The following GPHN variants were observed in gnomAD, a reference collection of about 807,000 sequenced individuals.
GPHN encodes gephyrin.
Under a neutral mutation model 95.5 loss-of-function variants are expected in GPHN, and 17 were observed. The ratio of observed to expected loss-of-function variants is 0.18; its 90% CI spans 0.12 to 0.27. GPHN has a LOEUF of 0.27. GPHN is among the 10% of genes least tolerant of loss of function. The pLI, the probability that GPHN is intolerant of heterozygous loss-of-function variation, is 1.00. For missense variants in GPHN, 660 were observed against 978.1 expected, an observed-to-expected ratio of 0.67 and a Z score of 4.34; for synonymous variants, 320 against 322.5, an observed-to-expected ratio of 0.99 and a Z score of 0.08.
At chr14:66,939,920 C>T (rs556977954) in intron 8 of GPHN, among the ~76,000 whole-genome samples, 1 of 152,154 alleles carries the variant, frequency 6.6e-6, no homozygotes, top group African/African-American at 2.4e-5. Flanking sequence ...AAGAGAGAAA[C>T]CAGGTTATTA....
At chr14:67,558,305 T>C in the GPHN span, among the ~76,000 whole-genome samples, 1 of 152,208 alleles carries the variant, frequency 6.6e-6, no homozygotes, top group African/African-American at 2.4e-5. Context: ...CTTCTCCATG[T>C]AGGAGAAGCC....
At position 66,652,751 on chromosome 14, in the gene GPHN, G is replaced by A. The variant is rs144854427; in HGVS notation, c.65-28356G>A. Among the ~76,000 whole-genome samples, 493 of 152,152 alleles carry A rather than the reference G, an allele frequency of 3.2e-3. 1 individual carries two copies. The highest frequency in any genetic ancestry group is 6.4e-3 in the South Asian group (31 of 4,816). On this transcript the variant is annotated intron_variant, in intron 1 of 22. Coordinates refer to ENST00000478722, the MANE Select transcript of GPHN (RefSeq NM_020806.5). ...GTGGTCATGCAGGGGCCTTGTGAGCGGTTGGCAGAGAGAGAAGCATACAGA... is the reference window on the plus strand; with the variant it reads ...GTGGTCATGCAGGGGCCTTGTGAGCAGTTGGCAGAGAGAGAAGCATACAGA...
intron 1 of GPHN, among the ~76,000 whole-genome samples, chr14:66,601,700 T>C (rs1056295584): frequency 1.3e-5 from 2 of 151,802 alleles, no homozygotes; most frequent in Non-Finnish European, 2.9e-5. Context: ...AGATTGACAT[T>C]TGTGCAATAG....
chr14:66,753,037 G>T (rs899560185), intron 2 of GPHN, among the ~76,000 whole-genome samples: 1 of 151,774 alleles, frequency 6.6e-6, no homozygotes, highest in Non-Finnish European at 1.5e-5. Context: ...ATATACAAAC[G>T]TGTTTAAATA....
the GPHN span, among the ~76,000 whole-genome samples, chr14:67,482,302 C>G: frequency 1.1e-3 from 167 of 152,318 alleles, no homozygotes; most frequent in African/African-American, 3.9e-3. Context: ...CCATAAAAGT[C>G]TAAGACAGGC....
the GPHN span, among the ~76,000 whole-genome samples, chr14:67,281,592 TTC>T: frequency 1.3e-5 from 2 of 152,144 alleles, no homozygotes; most frequent in Non-Finnish European, 2.9e-5. Context: ...GGATTGATTC[TTC>T]TGTTTTTCTG....
chr14:66,777,949 A>G (rs1305641419), intron 3 of GPHN, among the ~76,000 whole-genome samples: 1 of 152,166 alleles, frequency 6.6e-6, no homozygotes, highest in African/African-American at 2.4e-5. Context: ...CTCCTATTCA[A>G]CATAGTGTTG....
At chr14:66,685,027 G>GCTGAGAATGATGGTTTC (rs1446510726) in intron 2 of GPHN, among the ~76,000 whole-genome samples, 31 of 152,200 alleles carry the variant, frequency 2.0e-4, no homozygotes, top group African/African-American at 7.5e-4. Flanking sequence ...GGGATGGTTT[G>GCTGAGAATGATGGTTTC]CTGAGAATGA....
intron 9 of GPHN, among the ~76,000 whole-genome samples, chr14:67,018,257 C>G (rs1330865096): frequency 6.6e-6 from 1 of 152,032 alleles, no homozygotes; most frequent in East Asian, 1.9e-4. Context: ...ACTTTTAATA[C>G]TTTTATACTT....
the GPHN span, chr14:67,381,810 C>T: frequency 1.6e-6 from 1 of 641,442 alleles, no homozygotes; most frequent in Non-Finnish European, 2.6e-6. Context: ...GTTTTTTACT[C>T]TTAAAATTGA....
intron 2 of GPHN, among the ~76,000 whole-genome samples, chr14:66,742,962 C>T (rs1026376398): frequency 3.3e-5 from 5 of 151,522 alleles, no homozygotes; most frequent in African/African-American, 7.3e-5. Flanking sequence ...GACGGGGTTT[C>T]ACCATGTTAG....
In GPHN at chr14:66,708,239, A is replaced by G. The variant is rs1240599508; in HGVS notation, c.143+27054A>G. On this transcript the variant is annotated intron_variant, in intron 2 of 22. Coordinates refer to ENST00000478722, the MANE Select transcript of GPHN (RefSeq NM_020806.5). ...CAAAAAAAAAAATGGCGAGCTTAAC[A>G]AACTGTTAAGTCCCTTTCGGCATAT... Among the ~76,000 whole-genome samples, 5 of 152,166 alleles carry G rather than the reference A, an allele frequency of 3.3e-5. No homozygotes were observed. In the East Asian group the frequency reaches 7.7e-4, roughly 23 times the overall value.
At chr14:66,879,627 T>C (rs888538485) in intron 4 of GPHN, among the ~76,000 whole-genome samples, 1 of 152,134 alleles carries the variant, frequency 6.6e-6, no homozygotes, top group African/African-American at 2.4e-5. Context: ...TAAGTTGTTA[T>C]AGCAATCTGA....
the GPHN span, chr14:67,557,395 C>G: frequency 6.2e-7 from 1 of 1,613,686 alleles, no homozygotes; most frequent in Non-Finnish European, 8.5e-7. Context: ...CATCAGCCAG[C>G]TAGAGGCTCA....
chr14:67,064,168 T>G (rs1375818162), intron 11 of GPHN, among the ~76,000 whole-genome samples: 3 of 152,218 alleles, frequency 2.0e-5, no homozygotes, highest in Non-Finnish European at 4.4e-5. Context: ...GTCGAAGGCC[T>G]TTTCTGCATC....
At chr14:67,421,445 G>A in the GPHN span, among the ~76,000 whole-genome samples, 2 of 152,270 alleles carry the variant, frequency 1.3e-5, 1 homozygote, top group Admixed American at 1.3e-4. Context: ...GAAGAATAAA[G>A]GTTGGGTGAA....
At chr14:67,198,310 A>G in the GPHN span, 311 of 1,612,988 alleles carry the variant, frequency 1.9e-4, no homozygotes, top group African/African-American at 3.6e-3. Flanking sequence ...TTAGAGAGCA[A>G]TTTTATCCAG....
intron 13 of GPHN, among the ~76,000 whole-genome samples, chr14:67,105,621 T>C (rs1296787389): frequency 6.6e-6 from 1 of 152,154 alleles, no homozygotes; most frequent in Admixed American, 6.5e-5. Flanking sequence ...TGACTTAAAG[T>C]CTATTTTATC....
At chr14:67,722,305 G>C in the GPHN span, 3 of 413,908 alleles carry the variant, frequency 7.2e-6, no homozygotes, top group Non-Finnish European at 1.4e-5. Flanking sequence ...ACATTTCCTA[G>C]AGAAGAGAAA....
Sources: allele counts gnomAD v4.1 joint callset (sites outside exome capture counted in the v4.1 genomes callset), GRCh38; gene constraint gnomAD v4.1.1; transcripts MANE v1.5; gene names NCBI Gene and HGNC (gene_info 2026-07-23, HGNC 2026-07-21).